Variants in C12orf76 observed in about 807,000 individuals in gnomAD.
The protein encoded by C12orf76 is chromosome 12 open reading frame 76.
C12orf76 carries 6 observed loss-of-function variants against 6.8 expected under a neutral mutation model. The observed-to-expected ratio is 0.88, with a 90% CI of 0.48 to 1.73. The LOEUF (loss-of-function observed/expected upper bound fraction) is 1.73. Ranked by LOEUF, C12orf76 falls within the 40% of genes most tolerant of loss-of-function variation. The probability of loss-of-function intolerance (pLI) is 0.01; values close to 1 mark genes in which losing one functional copy is unlikely to be tolerated. For missense variants in C12orf76, 99 were observed against 98.2 expected (o/e 1.01, Z -0.03); for synonymous variants, 56 against 43.7 (o/e 1.28, Z -1.11).
chr12:110,044,758 G>T (rs1192244102), intron 1 of C12orf76, among the ~76,000 whole-genome samples: 3 of 152,060 alleles, frequency 2.0e-5, no homozygotes, highest in Non-Finnish European at 4.4e-5. Flanking sequence ...CAGATCACCT[G>T]AAGTCGGGAG....
Position 110,048,374 on chromosome 12 carries a change from C to T in C12orf76, c.122G>A (p.Gly41Glu), listed in dbSNP as rs1465319129. ...CGAGGGCCGCTCACCCAGGTTCTGC[C>T]CTCGCAGCACCGCGTACGGCCGGCT... is the stretch of plus-strand genomic sequence containing the variant. ...ERSRPYAVLR[G>E]QNLVLMGTIF... Residue 41 changes from glycine to glutamate, a missense_variant, in exon 1 of 2, where the codon GGG (glycine) becomes GAG (glutamate). By Grantham distance (98) the Gly-to-Glu change is moderately conservative. Coordinates refer to ENST00000615315, the MANE Select transcript of C12orf76 (RefSeq NM_001389625.1). The T allele has an allele frequency of 1.3e-6, 2 of 1,513,238 alleles. No individual in the cohort carries two copies. The highest frequency in any genetic ancestry group is 8.8e-7 in the Non-Finnish European group (1 of 1,136,160). The allele number at this position is 1,513,238 out of a possible 1,614,324, so 93.7% of individuals were successfully genotyped here.
intron 1 of C12orf76, among the ~76,000 whole-genome samples, chr12:110,043,628 C>A (rs576359862): frequency 6.6e-6 from 1 of 151,904 alleles, no homozygotes; most frequent in African/African-American, 2.4e-5. Flanking sequence ...CCGAGGCAGG[C>A]GGATCACGAG....
chr12:110,043,056 A>G (rs1440190686), intron 1 of C12orf76, among the ~76,000 whole-genome samples: 1 of 151,782 alleles, frequency 6.6e-6, no homozygotes, highest in Non-Finnish European at 1.5e-5. Context: ...CGACAGAATG[A>G]AACTCCACCT....
At chr12:110,049,387 G>A (rs1038282197), upstream of C12orf76, 1 of 152,430 alleles carries the variant, frequency 6.6e-6, no homozygotes, top group Non-Finnish European at 1.5e-5. Flanking sequence ...ATTTCACCTG[G>A]GTGCAGGCGG....
At chr12:110,058,532 G>A (rs935354371) in intron 3 of C12orf76, among the ~76,000 whole-genome samples, 2 of 152,124 alleles carry the variant, frequency 1.3e-5, no homozygotes, top group African/African-American at 4.8e-5. Context: ...AGTTGTGGTG[G>A]TGCATGCTTG....
At chr12:110,067,346 G>A in intron 1 of C12orf76, 1 of 936,616 alleles carries the variant, frequency 1.1e-6, no homozygotes, top group Non-Finnish European at 1.3e-6. Flanking sequence ...AGGAACCAAG[G>A]TAAGAATAGG....
At chr12:110,068,593 T>C (rs1028101056), upstream of C12orf76, among the ~76,000 whole-genome samples, 7 of 152,374 alleles carry the variant, frequency 4.6e-5, no homozygotes, top group Middle Eastern at 3.4e-3. Context: ...ACTCCTCTTG[T>C]AGCTGCATCC....
chr12:110,051,167 T>G (rs1247471741), upstream of C12orf76: 1 of 779,598 alleles, frequency 1.3e-6, no homozygotes, highest in Admixed American at 1.7e-5. Context: ...AGAGCAAAGC[T>G]AAATGGCAGG....
upstream of C12orf76, among the ~76,000 whole-genome samples, chr12:110,069,392 A>C (rs756785403): frequency 4.6e-5 from 7 of 151,976 alleles, no homozygotes; most frequent in Non-Finnish European, 7.4e-5. Flanking sequence ...ATGAGCCGAG[A>C]TCACACCATC....
At chr12:110,066,803 G>A (rs1016101107) in intron 1 of C12orf76, among the ~76,000 whole-genome samples, 1 of 152,212 alleles carries the variant, frequency 6.6e-6, no homozygotes, top group Non-Finnish European at 1.5e-5. Flanking sequence ...TTCAGCTGGA[G>A]GAGGCCCAGA....
upstream of C12orf76, among the ~76,000 whole-genome samples, chr12:110,068,010 G>C (rs1034392197): frequency 3.3e-5 from 5 of 151,976 alleles, no homozygotes; most frequent in Non-Finnish European, 7.4e-5. Flanking sequence ...TCGGGAGTTT[G>C]AGACCAGCCT....
chr12:110,068,292 G>GAAGAAT (rs1892910463), upstream of C12orf76, among the ~76,000 whole-genome samples: 1 of 145,146 alleles, frequency 6.9e-6, no homozygotes, highest in African/African-American at 2.5e-5. Flanking sequence ...AGAAGAAGAA[G>GAAGAAT]AAGAAGAAGA....
In C12orf76 at chr12:110,066,097, C is replaced by T. The variant is rs1340549435; in HGVS notation, n.207-64G>A. Reference sequence around the variant, plus strand: ...ATGTTTCTATTTCCCCGAAGATGGTCAGGGGCAGGCCGGGCGCGGTAGCTC... The same window carrying T: ...ATGTTTCTATTTCCCCGAAGATGGTTAGGGGCAGGCCGGGCGCGGTAGCTC... On this transcript the variant is annotated intron_variant and non_coding_transcript_variant, in intron 1 of 4. Transcript: ENST00000309050. 2.1e-6 allele frequency: 3 copies of T among 1,434,630 alleles called. No homozygotes were observed. The East Asian group carries it at 7.8e-5, about 37-fold the overall frequency. The allele number at this position is 1,434,630 out of a possible 1,614,324, so 88.9% of individuals were successfully genotyped here. A position where few individuals can be genotyped will look rare whatever the true frequency, so the allele number is the denominator to read the frequency against.
upstream of C12orf76, among the ~76,000 whole-genome samples, chr12:110,053,709 A>G (rs1289920953): frequency 6.6e-6 from 1 of 152,258 alleles, no homozygotes; most frequent in African/African-American, 2.4e-5. Flanking sequence ...ATGCTTCTGC[A>G]GCATTGCTTG....
At chr12:110,053,440 A>C (rs1344488536), upstream of C12orf76, among the ~76,000 whole-genome samples, 5 of 152,206 alleles carry the variant, frequency 3.3e-5, no homozygotes. Flanking sequence ...CAAAGGTTGC[A>C]GTGAACCGAG....
At chr12:110,043,872 A>AAC (rs66508129) in intron 1 of C12orf76, among the ~76,000 whole-genome samples, 7 of 115,474 alleles carry the variant, frequency 6.1e-5, no homozygotes, top group African/African-American at 3.7e-4. Flanking sequence ...AACAAAAACA[A>AAC]AAAAAAAAAT....
chr12:110,044,030 AT>A (rs1230387702), intron 1 of C12orf76: 1 of 145,742 alleles, frequency 6.9e-6, no homozygotes, highest in African/African-American at 2.8e-5. Flanking sequence ...AAAAAAAAAA[AT>A]AAAGAAAAAA....
exon 3 of C12orf76, chr12:110,059,067 A>G: frequency 6.4e-7 from 1 of 1,551,756 alleles, no homozygotes; most frequent in East Asian, 2.4e-5. Context: ...CAGCAGCGCC[A>G]GCTCTGAACG....
chr12:110,058,008 G>C (rs1192254314), intron 3 of C12orf76, among the ~76,000 whole-genome samples: 1 of 139,280 alleles, frequency 7.2e-6, no homozygotes, highest in African/African-American at 2.6e-5. Context: ...GGATTGCAGT[G>C]AGCCAAGATC....
Sources: allele counts gnomAD v4.1 joint callset (sites outside exome capture counted in the v4.1 genomes callset), GRCh38; gene constraint gnomAD v4.1.1; transcripts MANE v1.5; gene names NCBI Gene and HGNC (gene_info 2026-07-23, HGNC 2026-07-21).